The following HS6ST1 variants were observed in gnomAD, a reference collection of about 807,000 sequenced individuals.
HS6ST1 encodes heparan sulfate 6-O-sulfotransferase 1.
Under a neutral mutation model 25.2 loss-of-function variants are expected in HS6ST1, and 3 were observed. The ratio of observed to expected loss-of-function variants is 0.12; its 90% CI spans 0.05 to 0.31. The LOEUF is 0.31. Among genes scored for constraint, HS6ST1 ranks in the 10% least tolerant of loss-of-function variants. The pLI is 1.00. For synonymous variants in HS6ST1, 204 were observed against 275.1 expected (o/e 0.74, Z 2.56); for missense variants, 310 against 609.6 (o/e 0.51, Z 5.18).
At chr2:128,298,467 C>A (rs1573703595) in intron 1 of HS6ST1, among the ~76,000 whole-genome samples, 1 of 152,204 alleles carries the variant, frequency 6.6e-6, no homozygotes, top group South Asian at 2.1e-4. Flanking sequence ...TACATATAGA[C>A]GATGGAGTAT....
chr2:128,280,066 G>A (rs1693757776), intron 1 of HS6ST1, among the ~76,000 whole-genome samples: 1 of 152,172 alleles, frequency 6.6e-6, no homozygotes, highest in Admixed American at 6.5e-5. Context: ...CCAAAGCTGG[G>A]AGCTCACGGC....
chr2:128,306,165 A>G (rs1694204474), intron 1 of HS6ST1, among the ~76,000 whole-genome samples: 1 of 152,198 alleles, frequency 6.6e-6, no homozygotes, highest in Admixed American at 6.5e-5. Flanking sequence ...CTGCTCCCAG[A>G]CTGCACCCTC....
rs540588359 is a variant in HS6ST1, at chr2:128,266,389, G to C, written c.*1773C>G. On this transcript the variant is annotated 3_prime_UTR_variant, in exon 2 of 2. Coordinates refer to ENST00000259241, the MANE Select transcript of HS6ST1 (RefSeq NM_004807.3). Reference sequence around the variant, plus strand: ...TCCTTAGTGTGATGCATCCACCCAGGGAGGTGGCCCTGCGCGGCGCTGGCA... The same window carrying C: ...TCCTTAGTGTGATGCATCCACCCAGCGAGGTGGCCCTGCGCGGCGCTGGCA... The C allele has an allele frequency of 6.6e-6, 1 of 152,392 alleles. No homozygotes were observed. Among genetic ancestry groups the C allele is most frequent in the East Asian group, 1.9e-4 (1 of 5,176 alleles). 9.4% of individuals were successfully genotyped at this position (152,392 alleles called of 1,614,324 possible).
chr2:128,275,288 T>A (rs1233748327), intron 1 of HS6ST1, among the ~76,000 whole-genome samples: 1 of 152,186 alleles, frequency 6.6e-6, no homozygotes, highest in Non-Finnish European at 1.5e-5. Context: ...TAACTGTATG[T>A]GGGTGATGGG....
intron 1 of HS6ST1, among the ~76,000 whole-genome samples, chr2:128,272,113 C>T (rs758263858): frequency 2.0e-5 from 3 of 152,228 alleles, no homozygotes; most frequent in South Asian, 2.1e-4. Flanking sequence ...CTGGCAGCGA[C>T]GTTTCTGAAT....
chr2:128,314,649 G>A lies in HS6ST1; in HGVS notation c.527+3388C>T, dbSNP rs1470699157. On this transcript the variant is annotated intron_variant, in intron 1 of 1. Transcript: ENST00000259241. ...GGATCACGGAGGGCAGGTCAAAGGCGAGGCTGCGGGCTCCTGCGCCATCCC... is the reference window on the plus strand; with the variant it reads ...GGATCACGGAGGGCAGGTCAAAGGCAAGGCTGCGGGCTCCTGCGCCATCCC... Among the ~76,000 whole-genome samples the A allele has an allele frequency of 5.3e-5, 8 of 152,202 alleles. No homozygotes were observed. In the East Asian group the frequency reaches 1.2e-3, roughly 22 times the overall value.
At chr2:128,284,824 A>G (rs1693837488) in intron 1 of HS6ST1, among the ~76,000 whole-genome samples, 1 of 152,142 alleles carries the variant, frequency 6.6e-6, no homozygotes, top group Admixed American at 6.5e-5. Context: ...TGAGCCCCTG[A>G]GAGGTTGTGA....
intron 1 of HS6ST1, among the ~76,000 whole-genome samples, chr2:128,283,600 G>A (rs1693818293): frequency 6.6e-6 from 1 of 152,218 alleles, no homozygotes; most frequent in Non-Finnish European, 1.5e-5. Flanking sequence ...CTCTGTGACA[G>A]CTGGAGGTTG....
At chr2:128,294,557 A>ACTCC (rs1375961810) in intron 1 of HS6ST1, among the ~76,000 whole-genome samples, 2 of 151,656 alleles carry the variant, frequency 1.3e-5, no homozygotes, top group East Asian at 3.9e-4. Context: ...ACGCTGTCAC[A>ACTCC]CTCCCACCTG....
intron 1 of HS6ST1, among the ~76,000 whole-genome samples, chr2:128,276,039 C>T (rs888657937): frequency 3.5e-4 from 54 of 152,344 alleles, no homozygotes; most frequent in African/African-American, 1.3e-3. Context: ...CACATCAGGA[C>T]TGGATTATGA....
At chr2:128,306,302 G>A (rs1470582139) in intron 1 of HS6ST1, among the ~76,000 whole-genome samples, 1 of 152,180 alleles carries the variant, frequency 6.6e-6, no homozygotes, top group South Asian at 2.1e-4. Flanking sequence ...GGACGTGGCC[G>A]CGCCGCTGCG....
At position 128,281,519 on chromosome 2, in the gene HS6ST1, G is replaced by A. The variant is rs563023180; in HGVS notation, c.528-12649C>T. ...GTTTTCCTGCTGCTGACCGGAAAGC[G>A]GATGTGACCGCGGAGCACCAGCAGT... On this transcript the variant is annotated intron_variant, in intron 1 of 1. Transcript: ENST00000259241. Among the ~76,000 whole-genome samples, 364 of 152,206 alleles carry A rather than the reference G, an allele frequency of 2.4e-3. 1 individual carries two copies. Among genetic ancestry groups the A allele is most frequent in the Admixed American group, 5.1e-3 (78 of 15,286 alleles).
In HS6ST1 at chr2:128,267,868, A is replaced by G; in HGVS notation, c.*294T>C. On this transcript the variant is annotated 3_prime_UTR_variant, in exon 2 of 2. Transcript: ENST00000259241. ...AACCTTCAGTTTTTGCGATAAATCC[A>G]AGGAGGCCAGGAGAGCAGCTCCAGG... 1 of 554,010 alleles carries G rather than the reference A, an allele frequency of 1.8e-6. No homozygotes were observed. Among genetic ancestry groups the G allele is most frequent in the African/African-American group, 1.9e-5 (1 of 53,192 alleles). The allele number at this position is 554,010 out of a possible 1,614,324, so 34.3% of individuals were successfully genotyped here. A position where few individuals can be genotyped will look rare whatever the true frequency, so the allele number is the denominator to read the frequency against.
At chr2:128,279,297 G>GGA (rs1406854221) in intron 1 of HS6ST1, among the ~76,000 whole-genome samples, 2 of 151,278 alleles carry the variant, frequency 1.3e-5, no homozygotes, top group African/African-American at 2.4e-5. Flanking sequence ...ATGTGGGTGA[G>GGA]GACGCTGTCA....
Position 128,268,510 on chromosome 2 carries a change from G to C in HS6ST1, c.888C>G (p.Phe296Leu), listed in dbSNP as rs551197286. ...CGAACAGGTACTGCGTCTTGCGCTGGAACTCGGTCAGGCCGAAGAAGGCCA... is the reference window on the plus strand; with the variant it reads ...CGAACAGGTACTGCGTCTTGCGCTGCAACTCGGTCAGGCCGAAGAAGGCCA... ...RGMAFFGLTEFQRKTQYLFER... is the reference protein window; with the variant it reads ...RGMAFFGLTELQRKTQYLFER... The change falls in exon 2 of 2, where the codon TTC becomes TTG. Residue 296 changes from phenylalanine to leucine, a missense_variant. Phe to Leu is a conservative substitution (Grantham distance 22). Coordinates refer to ENST00000259241, the MANE Select transcript of HS6ST1 (RefSeq NM_004807.3). 5.0e-5 allele frequency: 81 copies of C among 1,608,624 alleles called. No individual in the cohort carries two copies. The highest frequency in any genetic ancestry group is 6.8e-5 in the Non-Finnish European group (80 of 1,177,640).
At chr2:128,303,711 C>T (rs1027976662) in intron 1 of HS6ST1, among the ~76,000 whole-genome samples, 1 of 152,196 alleles carries the variant, frequency 6.6e-6, no homozygotes, top group African/African-American at 2.4e-5. Flanking sequence ...GGCTGAGGCT[C>T]CCTTGGGAGA....
intron 1 of HS6ST1, chr2:128,289,741 T>A (rs2104923550): frequency 6.6e-6 from 1 of 152,254 alleles, no homozygotes; most frequent in African/African-American, 2.4e-5. Flanking sequence ...GGCATGAGGA[T>A]GGGCCCACCC....
At chr2:128,284,644 T>G (rs1278951286) in intron 1 of HS6ST1, among the ~76,000 whole-genome samples, 2 of 152,060 alleles carry the variant, frequency 1.3e-5, no homozygotes, top group African/African-American at 2.4e-5. Flanking sequence ...GGCTCCATGA[T>G]ACCCAGCTAA....
intron 1 of HS6ST1, among the ~76,000 whole-genome samples, chr2:128,296,550 G>C (rs1392485509): frequency 6.6e-6 from 1 of 152,146 alleles, no homozygotes; most frequent in Non-Finnish European, 1.5e-5. Context: ...AAAGAAATCA[G>C]TTGTATTTCT....
Sources: gnomAD v4.1 joint callset for allele counts (sites outside exome capture counted in the v4.1 genomes callset) on GRCh38, gnomAD v4.1.1 for gene constraint, MANE v1.5 for transcripts, NCBI Gene and HGNC (gene_info 2026-07-23, HGNC 2026-07-21) for gene names.